The following CHRNA7 variants were observed in gnomAD, a reference collection of about 807,000 sequenced individuals.
CHRNA7 encodes cholinergic receptor nicotinic alpha 7 subunit.
CHRNA7 carries 17 observed loss-of-function variants against 48.0 expected under a neutral mutation model. That is an observed-to-expected ratio of 0.35 (90% confidence interval 0.24 to 0.53). The LOEUF is 0.53. Among genes scored for constraint, CHRNA7 ranks in the 20% least tolerant of loss-of-function variants. The pLI, the probability that CHRNA7 is intolerant of heterozygous loss-of-function variation, is 0.92. For synonymous variants in CHRNA7, 75 were observed against 242.3 expected, an observed-to-expected ratio of 0.31 and a Z score of 6.41; for missense variants, 155 against 577.7, an observed-to-expected ratio of 0.27 and a Z score of 7.50.
At chr15:32,067,186 A>G (rs901862435) in intron 2 of CHRNA7, among the ~76,000 whole-genome samples, 1 of 151,796 alleles carries the variant, frequency 6.6e-6, no homozygotes, top group Admixed American at 6.6e-5. Flanking sequence ...AGCTTAACAA[A>G]CTACAGGAAG....
chr15:32,133,060 G>A (rs1324914226), intron 4 of CHRNA7, among the ~76,000 whole-genome samples: 2 of 152,278 alleles, frequency 1.3e-5, no homozygotes, highest in East Asian at 3.9e-4. Context: ...TGTCACTGGG[G>A]GACGAGCTGG....
chr15:32,067,006 G>A (rs1225293688), intron 2 of CHRNA7, among the ~76,000 whole-genome samples: 1 of 152,028 alleles, frequency 6.6e-6, no homozygotes, highest in African/African-American at 2.4e-5. Context: ...AAAAAAATGG[G>A]GAAAAATGAA....
At chr15:32,049,592 CTT>C (rs1252271452) in intron 2 of CHRNA7, among the ~76,000 whole-genome samples, 3 of 152,114 alleles carry the variant, frequency 2.0e-5, no homozygotes, top group African/African-American at 7.2e-5. Flanking sequence ...GGTCTTGACT[CTT>C]TATCCAATTT....
chr15:32,045,376 C>A (rs1275739522), intron 2 of CHRNA7, among the ~76,000 whole-genome samples: 1 of 152,088 alleles, frequency 6.6e-6, no homozygotes, highest in African/African-American at 2.4e-5. Flanking sequence ...CAACAGCCAC[C>A]CCATGGGTAC....
At chr15:32,044,951 C>A (rs1258899139) in intron 2 of CHRNA7, among the ~76,000 whole-genome samples, 2 of 152,234 alleles carry the variant, frequency 1.3e-5, no homozygotes, top group Non-Finnish European at 2.9e-5. Context: ...CATGCTTCAT[C>A]CGGTCCGTTT....
intron 2 of CHRNA7, among the ~76,000 whole-genome samples, chr15:32,032,275 CAT>C (rs772319945): frequency 5.3e-5 from 8 of 152,078 alleles, no homozygotes; most frequent in Admixed American, 1.3e-4. Flanking sequence ...GGTTCAGTCT[CAT>C]GTGTTGCAGA....
intron 4 of CHRNA7, among the ~76,000 whole-genome samples, chr15:32,116,203 C>T (rs1461639451): frequency 6.6e-6 from 1 of 152,220 alleles, no homozygotes; most frequent in Non-Finnish European, 1.5e-5. Flanking sequence ...TGATGTAGCT[C>T]AGCTGAAGCC....
At chr15:32,104,791 TCCGGAGAATGAGGCAA>T in intron 3 of CHRNA7, among the ~76,000 whole-genome samples, 1 of 152,172 alleles carries the variant, frequency 6.6e-6, no homozygotes, top group Non-Finnish European at 1.5e-5. Context: ...AAGGCCAGGC[TCCGGAGAATGAGGCAA>T]GTGCTTCCCT....
In CHRNA7 at chr15:32,069,181, C is replaced by G. The variant is rs149590782; in HGVS notation, c.196-32122C>G. On this transcript the variant is annotated intron_variant, in intron 2 of 9. Coordinates refer to ENST00000306901, the MANE Select transcript of CHRNA7 (RefSeq NM_000746.6). ...CTCCACAGAAAATGAAAAGACAACT[C>G]ACAGAATGTGAGATAATATATGAAA... Among the ~76,000 whole-genome samples the G allele has an allele frequency of 1.5e-3, 224 of 152,282 alleles. 2 individuals carry two copies. Among genetic ancestry groups the G allele is most frequent in the Non-Finnish European group, 1.7e-3 (117 of 68,028 alleles).
chr15:32,097,142 T>G (rs1361833638), intron 2 of CHRNA7, among the ~76,000 whole-genome samples: 1 of 152,136 alleles, frequency 6.6e-6, no homozygotes, highest in Non-Finnish European at 1.5e-5. Flanking sequence ...GAGAGAACAT[T>G]GAAATGCACA....
intron 2 of CHRNA7, among the ~76,000 whole-genome samples, chr15:32,032,217 T>C (rs1283386845): frequency 6.6e-6 from 1 of 152,172 alleles, no homozygotes; most frequent in Non-Finnish European, 1.5e-5. Context: ...TGAATGTATA[T>C]GTGATGATGT....
At chr15:32,080,707 A>G (rs1234563849) in intron 2 of CHRNA7, among the ~76,000 whole-genome samples, 2 of 152,234 alleles carry the variant, frequency 1.3e-5, no homozygotes, top group African/African-American at 4.8e-5. Flanking sequence ...AATGTAAATT[A>G]GTTCAACCAT....
At chr15:32,104,188 T>C (rs973867777) in intron 3 of CHRNA7, among the ~76,000 whole-genome samples, 3 of 151,984 alleles carry the variant, frequency 2.0e-5, no homozygotes, top group African/African-American at 7.2e-5. Context: ...GGCTCCTTTT[T>C]CCTCTCCCCT....
At chr15:32,138,973 C>G (rs1350763807) in intron 4 of CHRNA7, among the ~76,000 whole-genome samples, 1 of 152,154 alleles carries the variant, frequency 6.6e-6, no homozygotes, top group African/African-American at 2.4e-5. Context: ...AAGCTGGTCT[C>G]AAACTCCTGA....
At chr15:32,034,929 C>T (rs549964167) in intron 2 of CHRNA7, among the ~76,000 whole-genome samples, 35 of 152,024 alleles carry the variant, frequency 2.3e-4, no homozygotes, top group Non-Finnish European at 3.7e-4. Context: ...GAGTGTGAGA[C>T]GGGTCAGAGA....
chr15:32,053,504 G>A (rs1232907704), intron 2 of CHRNA7, among the ~76,000 whole-genome samples: 1 of 152,234 alleles, frequency 6.6e-6, no homozygotes, highest in South Asian at 2.1e-4. Flanking sequence ...TATAGCCAAA[G>A]AAATTCAAAA....
At chr15:32,057,809 G>A (rs533781517) in intron 2 of CHRNA7, among the ~76,000 whole-genome samples, 28 of 152,232 alleles carry the variant, frequency 1.8e-4, no homozygotes, top group Admixed American at 5.2e-4. Flanking sequence ...AATGGACAAC[G>A]TCCATAGAAT....
intron 4 of CHRNA7, among the ~76,000 whole-genome samples, chr15:32,147,701 T>C (rs533832082): frequency 6.6e-6 from 1 of 152,358 alleles, no homozygotes; most frequent in Non-Finnish European, 1.5e-5. Context: ...GAAATGACCA[T>C]AAAAGTTTGA....
intron 5 of CHRNA7, chr15:32,156,152 A>G (rs1365553291): frequency 7.5e-6 from 1 of 133,010 alleles, no homozygotes; most frequent in East Asian, 2.0e-4. Context: ...TACTCCCAGC[A>G]ACCACTGATC....
Sources: allele counts gnomAD v4.1 joint callset (sites outside exome capture counted in the v4.1 genomes callset), GRCh38; gene constraint gnomAD v4.1.1; transcripts MANE v1.5; gene names NCBI Gene and HGNC (gene_info 2026-07-23, HGNC 2026-07-21).